Variants in CDH18 observed in about 807,000 individuals in gnomAD.
CDH18 encodes cadherin 18.
CDH18 carries 31 observed loss-of-function variants against 67.9 expected under a neutral mutation model. The observed-to-expected ratio is 0.46, with a 90% CI of 0.34 to 0.62. CDH18 has a LOEUF of 0.62. CDH18 is among the 20% of genes least tolerant of loss of function. The probability of loss-of-function intolerance (pLI) is 0.01; values close to 1 mark genes in which losing one functional copy is unlikely to be tolerated. For synonymous variants in CDH18, 362 were observed against 347.2 expected, an observed-to-expected ratio of 1.04 and a Z score of -0.48; for missense variants, 890 against 975.5, an observed-to-expected ratio of 0.91 and a Z score of 1.17.
At chr5:20,448,070 A>T (rs1750146255) in intron 1 of CDH18, among the ~76,000 whole-genome samples, 1 of 151,448 alleles carries the variant, frequency 6.6e-6, no homozygotes, top group Non-Finnish European at 1.5e-5. Flanking sequence ...ACCCCACAAC[A>T]GGCCCTGGTG....
intron 1 of CDH18, among the ~76,000 whole-genome samples, chr5:20,264,464 C>T (rs1322742652): frequency 2.0e-5 from 3 of 151,932 alleles, no homozygotes; most frequent in Non-Finnish European, 2.9e-5. Context: ...AGCGTGTACA[C>T]ATAAATATAT....
chr5:20,063,385 A>T (rs1273097177), intron 2 of CDH18, among the ~76,000 whole-genome samples: 1 of 152,116 alleles, frequency 6.6e-6, no homozygotes, highest in East Asian at 1.9e-4. Context: ...TTCAAGAATT[A>T]ACAGTTTTGG....
chr5:19,621,736 T>C (rs1488268549), intron 5 of CDH18, among the ~76,000 whole-genome samples: 1 of 152,164 alleles, frequency 6.6e-6, no homozygotes, highest in African/African-American at 2.4e-5. Context: ...GATGAATAAG[T>C]TCTAAAGGCT....
intron 2 of CDH18, among the ~76,000 whole-genome samples, chr5:20,153,057 C>T (rs1186889957): frequency 1.3e-5 from 2 of 151,532 alleles, no homozygotes; most frequent in African/African-American, 2.4e-5. Flanking sequence ...ATTCTGCTGC[C>T]TCAACCTCCC....
At chr5:20,390,670 A>G (rs1744767300) in intron 1 of CDH18, among the ~76,000 whole-genome samples, 1 of 152,202 alleles carries the variant, frequency 6.6e-6, no homozygotes, top group African/African-American at 2.4e-5. Flanking sequence ...TCATGCTGCT[A>G]TAAAGACACA....
chr5:19,854,105 T>C (rs1581655680), intron 2 of CDH18, among the ~76,000 whole-genome samples: 2 of 152,226 alleles, frequency 1.3e-5, no homozygotes. Flanking sequence ...CCATCAACTT[T>C]ACTCATGAGA....
intron 1 of CDH18, among the ~76,000 whole-genome samples, chr5:20,391,249 A>T (rs1744830724): frequency 6.6e-6 from 1 of 152,044 alleles, no homozygotes; most frequent in South Asian, 2.1e-4. Context: ...CCTGCCTCAC[A>T]TATGATGAAG....
chr5:19,924,425 T>A (rs1304217900), intron 2 of CDH18, among the ~76,000 whole-genome samples: 1 of 152,056 alleles, frequency 6.6e-6, no homozygotes, highest in African/African-American at 2.4e-5. Context: ...TCACCTGAGG[T>A]CAGGAGATCA....
intron 1 of CDH18, among the ~76,000 whole-genome samples, chr5:20,328,935 C>T (rs1015752213): frequency 3.0e-5 from 4 of 134,440 alleles, no homozygotes; most frequent in African/African-American, 1.0e-4. Context: ...TGTGATTGCA[C>T]CATTGCACTT....
intron 2 of CDH18, among the ~76,000 whole-genome samples, chr5:20,047,824 T>C (rs563264268): frequency 1.3e-5 from 2 of 151,798 alleles, no homozygotes; most frequent in Non-Finnish European, 3.0e-5. Flanking sequence ...AAGTCTTTGA[T>C]ACTCTTTCAG....
chr5:20,089,493 C>A (rs901301980), intron 2 of CDH18, among the ~76,000 whole-genome samples: 2 of 152,008 alleles, frequency 1.3e-5, no homozygotes, highest in South Asian at 2.1e-4. Context: ...TTTAGAAAAT[C>A]AATAAATAAA....
intron 11 of CDH18, among the ~76,000 whole-genome samples, chr5:19,502,317 A>G (rs1170922198): frequency 1.3e-5 from 2 of 152,178 alleles, no homozygotes; most frequent in Non-Finnish European, 2.9e-5. Context: ...AACTGCACAT[A>G]CCATATGGCT....
At chr5:19,715,502 T>C (rs1421476686) in intron 5 of CDH18, among the ~76,000 whole-genome samples, 1 of 152,126 alleles carries the variant, frequency 6.6e-6, no homozygotes, top group African/African-American at 2.4e-5. Context: ...GTCAAGACTG[T>C]CAATTCCGAA....
intron 1 of CDH18, among the ~76,000 whole-genome samples, chr5:20,276,253 G>A (rs544212935): frequency 1.6e-4 from 25 of 152,302 alleles, no homozygotes; most frequent in South Asian, 8.3e-4. Flanking sequence ...CCCAGGGAGC[G>A]CAGCTCACAG....
In CDH18 at chr5:20,525,003, G is replaced by A. The variant is rs146308255; in HGVS notation, c.-580+50459C>T. Among the ~76,000 whole-genome samples, 579 of 152,236 alleles carry A rather than the reference G, an allele frequency of 3.8e-3. 1 individual carries two copies. The highest frequency in any genetic ancestry group is 6.1e-3 in the Admixed American group (93 of 15,278). On this transcript the variant is annotated intron_variant, in intron 1 of 14. Coordinates refer to the CDH18 transcript ENST00000507958. ...GAAACAAAGGCCAAGTTTATGAGAC[G>A]ATTAAAGACTTTTTGAGGGCTGATG... is the stretch of plus-strand genomic sequence containing the variant.
intron 5 of CDH18, among the ~76,000 whole-genome samples, chr5:19,692,157 T>C (rs1761974742): frequency 6.6e-6 from 1 of 152,048 alleles, no homozygotes; most frequent in African/African-American, 2.4e-5. Context: ...CAATAAATGG[T>C]GCTAGGAAAC....
chr5:19,935,929 T>C (rs1280972069), intron 2 of CDH18, among the ~76,000 whole-genome samples: 1 of 150,854 alleles, frequency 6.6e-6, no homozygotes. Context: ...GTCACACCTG[T>C]TAGTACTGTT....
At chr5:20,344,000 G>A (rs1274221251) in intron 1 of CDH18, among the ~76,000 whole-genome samples, 6 of 152,128 alleles carry the variant, frequency 3.9e-5, no homozygotes, top group Non-Finnish European at 5.9e-5. Context: ...AGGAACCTCT[G>A]ATCTGGAAGG....
intron 2 of CDH18, among the ~76,000 whole-genome samples, chr5:20,148,301 G>A (rs1214266236): frequency 3.9e-5 from 6 of 151,922 alleles, no homozygotes; most frequent in Non-Finnish European, 7.4e-5. Context: ...GTTTCACTGT[G>A]TTAGCCAGGA....
Sources: gnomAD v4.1 joint callset for allele counts (sites outside exome capture counted in the v4.1 genomes callset) on GRCh38, gnomAD v4.1.1 for gene constraint, MANE v1.5 for transcripts, NCBI Gene and HGNC (gene_info 2026-07-23, HGNC 2026-07-21) for gene names.